EPHB1: variants seen among roughly 807,000 people sequenced by gnomAD.
EPHB1 encodes ephrin type-B receptor 1.
EPHB1 carries 30 observed loss-of-function variants against 94.4 expected under a neutral mutation model. The observed-to-expected ratio is 0.32, with a 90% confidence interval of 0.24 to 0.43. EPHB1 has a LOEUF of 0.43. EPHB1 is among the 20% of genes least tolerant of loss of function. The pLI is 1.00. For synonymous variants in EPHB1, 522 were observed against 489.1 expected (o/e 1.07, Z -0.89); for missense variants, 1,055 against 1,308.3 (o/e 0.81, Z 2.99).
chr3:135,033,315 C>G (rs747008598), intron 3 of EPHB1, among the ~76,000 whole-genome samples: 1 of 152,014 alleles, frequency 6.6e-6, no homozygotes, highest in Non-Finnish European at 1.5e-5. Context: ...GTAGCATGCA[C>G]CTTGTGTGGA....
At chr3:135,095,150 C>G (rs1328288821) in intron 3 of EPHB1, among the ~76,000 whole-genome samples, 1 of 152,092 alleles carries the variant, frequency 6.6e-6, no homozygotes, top group Non-Finnish European at 1.5e-5. Flanking sequence ...AGCCCACTGC[C>G]AAAGTATTGG....
intron 3 of EPHB1, among the ~76,000 whole-genome samples, chr3:135,062,464 A>G (rs1468552288): frequency 6.6e-6 from 1 of 150,902 alleles, no homozygotes; most frequent in Admixed American, 6.6e-5. Flanking sequence ...ATTTTTTCAT[A>G]TGTTTATTGG....
At chr3:135,152,345 G>A (rs1941220746) in intron 5 of EPHB1, among the ~76,000 whole-genome samples, 1 of 152,184 alleles carries the variant, frequency 6.6e-6, no homozygotes, top group Non-Finnish European at 1.5e-5. Flanking sequence ...CCTAAGTATA[G>A]AACAGCAGCT....
intron 6 of EPHB1, among the ~76,000 whole-genome samples, chr3:135,158,292 C>T (rs954234804): frequency 1.3e-5 from 2 of 152,196 alleles, no homozygotes; most frequent in Non-Finnish European, 2.9e-5. Flanking sequence ...AAGGAAGTCC[C>T]AGCCCCTCAT....
rs114568585 is a variant in EPHB1 at position 135,142,362 on chromosome 3, G to A, written c.1297+9313G>A. Among the ~76,000 whole-genome samples, 1,381 of 152,264 alleles carry A rather than the reference G, an allele frequency of 9.1e-3. 12 individuals carry two copies. The highest frequency in any genetic ancestry group is 0.032 in the African/African-American group (1,324 of 41,548). ...TATGTGGCTTTCTCAGCAGTATATG[G>A]TTCCGGGACAGCAGGCCCTACAAGA... On this transcript the variant is annotated intron_variant, in intron 5 of 15. Transcript: ENST00000398015.
intron 5 of EPHB1, among the ~76,000 whole-genome samples, chr3:135,149,020 T>C (rs1050848299): frequency 6.6e-6 from 1 of 152,212 alleles, no homozygotes; most frequent in African/African-American, 2.4e-5. Context: ...TGGGTGCCTG[T>C]ACTCTGTTGG....
chr3:134,840,274 G>C (rs1489042712), intron 1 of EPHB1, among the ~76,000 whole-genome samples: 13 of 152,290 alleles, frequency 8.5e-5, no homozygotes, highest in African/African-American at 3.1e-4. Flanking sequence ...TCTAGACCCA[G>C]ATGCCTACTG....
At chr3:135,009,500 A>C (rs2107747953) in intron 3 of EPHB1, among the ~76,000 whole-genome samples, 1 of 152,330 alleles carries the variant, frequency 6.6e-6, no homozygotes, top group South Asian at 2.1e-4. Context: ...CAGAGAAAGA[A>C]AGGCAGGCCT....
intron 5 of EPHB1, among the ~76,000 whole-genome samples, chr3:135,134,471 T>C (rs1291997699): frequency 6.6e-6 from 1 of 152,114 alleles, no homozygotes; most frequent in Non-Finnish European, 1.5e-5. Context: ...GATGGCTGTG[T>C]TGCTGCTGTG....
chr3:135,112,882 A>T (rs1430268200), intron 4 of EPHB1, among the ~76,000 whole-genome samples: 1 of 152,108 alleles, frequency 6.6e-6, no homozygotes, highest in Non-Finnish European at 1.5e-5. Context: ...TACTTGGGTT[A>T]ATCTAGGGCT....
intron 5 of EPHB1, among the ~76,000 whole-genome samples, chr3:135,152,173 G>A (rs1480023662): frequency 2.0e-5 from 3 of 151,992 alleles, no homozygotes; most frequent in Non-Finnish European, 2.9e-5. Flanking sequence ...TTTTTCAGCA[G>A]GAATAGCTCA....
chr3:135,049,846 A>T (rs566025521), intron 3 of EPHB1, among the ~76,000 whole-genome samples: 16 of 152,304 alleles, frequency 1.1e-4, no homozygotes, highest in African/African-American at 3.8e-4. Flanking sequence ...CAGCTTGTGG[A>T]CTAACTTCTG....
chr3:135,237,512 C>G (rs1372670238), intron 12 of EPHB1, among the ~76,000 whole-genome samples: 1 of 152,020 alleles, frequency 6.6e-6, no homozygotes, highest in East Asian at 2.0e-4. Flanking sequence ...CTTCTCTTCT[C>G]CCTCCCCCAT....
At chr3:134,947,095 C>G (rs1467440541) in intron 2 of EPHB1, among the ~76,000 whole-genome samples, 1 of 152,176 alleles carries the variant, frequency 6.6e-6, no homozygotes, top group Non-Finnish European at 1.5e-5. Context: ...CTGTTTCTCT[C>G]ACTAGATTAT....
intron 9 of EPHB1, among the ~76,000 whole-genome samples, chr3:135,168,887 A>T (rs1351409666): frequency 6.6e-6 from 1 of 152,220 alleles, no homozygotes; most frequent in Admixed American, 6.5e-5. Flanking sequence ...AAGTCAAGAG[A>T]TATCCAAAGA....
At chr3:134,909,993 G>A (rs2038418509) in intron 1 of EPHB1, among the ~76,000 whole-genome samples, 1 of 152,202 alleles carries the variant, frequency 6.6e-6, no homozygotes, top group African/African-American at 2.4e-5. Flanking sequence ...GCCCCACACA[G>A]TGTGGTTGGC....
At chr3:134,817,980 C>T (rs79830919) in intron 1 of EPHB1, among the ~76,000 whole-genome samples, 4,204 of 152,292 alleles carry the variant, frequency 0.028, 140 homozygotes, top group African/African-American at 0.064. Context: ...TTCCTACCCA[C>T]TCTTCAAACA....
At chr3:134,870,578 G>A (rs1417086680) in intron 1 of EPHB1, among the ~76,000 whole-genome samples, 2 of 152,268 alleles carry the variant, frequency 1.3e-5, no homozygotes, top group East Asian at 3.8e-4. Context: ...CGTGGACACA[G>A]ATCAGCACCA....
chr3:135,135,387 T>C (rs1453449500), intron 5 of EPHB1, among the ~76,000 whole-genome samples: 1 of 152,236 alleles, frequency 6.6e-6, no homozygotes, highest in African/African-American at 2.4e-5. Flanking sequence ...ATAGTATTTT[T>C]TTAAAGATGA....
Sources: gnomAD v4.1 joint callset for allele counts (sites outside exome capture counted in the v4.1 genomes callset) on GRCh38, gnomAD v4.1.1 for gene constraint, MANE v1.5 for transcripts, NCBI Gene and HGNC (gene_info 2026-07-23, HGNC 2026-07-21) for gene names.